The following MBNL1 variants were observed in gnomAD, a reference collection of about 807,000 sequenced individuals.
MBNL1 encodes the protein muscleblind-like protein 1.
Under a neutral mutation model 42.2 loss-of-function variants are expected in MBNL1, and 8 were observed. That is an observed-to-expected ratio of 0.19 (90% CI 0.11 to 0.34). The LOEUF (loss-of-function observed/expected upper bound fraction) is 0.34, where lower values mean the gene tolerates loss of function less well. Ranked by LOEUF, MBNL1 falls within the 10% of genes least tolerant of loss-of-function variation. MBNL1 has a pLI of 1.00. For missense variants in MBNL1, 309 were observed against 495.3 expected, an observed-to-expected ratio of 0.62 and a Z score of 3.57; for synonymous variants, 169 against 173.9, an observed-to-expected ratio of 0.97 and a Z score of 0.22.
intron 4 of MBNL1, among the ~76,000 whole-genome samples, chr3:152,438,820 TCTC>T (rs1399232982): frequency 1.3e-5 from 2 of 152,234 alleles, no homozygotes; most frequent in Admixed American, 1.3e-4. Flanking sequence ...TAAAAATCTG[TCTC>T]CTCAGATAAG....
chr3:152,415,340 T>C (rs1441371250), intron 3 of MBNL1, among the ~76,000 whole-genome samples: 1 of 152,198 alleles, frequency 6.6e-6, no homozygotes, highest in Non-Finnish European at 1.5e-5. Flanking sequence ...GCATTTTTTT[T>C]CCTCTAAATT....
intron 2 of MBNL1, among the ~76,000 whole-genome samples, chr3:152,393,563 A>C (rs192541768): frequency 7.0e-4 from 107 of 152,282 alleles, no homozygotes; most frequent in Non-Finnish European, 1.3e-3. Context: ...ATATCGTTTG[A>C]CTATTAGTAT....
intron 2 of MBNL1, among the ~76,000 whole-genome samples, chr3:152,372,161 A>G (rs548645035): frequency 6.6e-6 from 1 of 152,134 alleles, no homozygotes; most frequent in Non-Finnish European, 1.5e-5. Flanking sequence ...CAGGTCATTG[A>G]TGATTTTCTC....
intron 2 of MBNL1, among the ~76,000 whole-genome samples, chr3:152,384,926 G>T (rs17370233): frequency 6.6e-6 from 1 of 151,992 alleles, no homozygotes; most frequent in Non-Finnish European, 1.5e-5. Flanking sequence ...CAATGGAAAT[G>T]TTCCCGTAAA....
intron 2 of MBNL1, among the ~76,000 whole-genome samples, chr3:152,323,437 AAAT>A (rs1164206438): frequency 6.6e-6 from 1 of 152,134 alleles, no homozygotes; most frequent in Admixed American, 6.6e-5. Flanking sequence ...ATAATTTAAA[AAAT>A]ATATATGTAC....
intron 2 of MBNL1, among the ~76,000 whole-genome samples, chr3:152,361,453 G>A (rs2095944174): frequency 6.6e-6 from 1 of 150,530 alleles, no homozygotes; most frequent in Non-Finnish European, 1.5e-5. Context: ...CGAGATTGAG[G>A]CACCATTATA....
chr3:152,295,970 G>A (rs577889693), intron 1 of MBNL1, among the ~76,000 whole-genome samples: 27 of 152,308 alleles, frequency 1.8e-4, no homozygotes, highest in African/African-American at 6.5e-4. Context: ...TCATGTTACA[G>A]GTCAAGTAAA....
intron 2 of MBNL1, among the ~76,000 whole-genome samples, chr3:152,378,076 C>A (rs1375430135): frequency 2.0e-5 from 3 of 152,282 alleles, no homozygotes; most frequent in East Asian, 1.9e-4. Context: ...ATGGCTCATT[C>A]CTGTAATCCC....
At chr3:152,429,121 A>T (rs771053237) in intron 3 of MBNL1, among the ~76,000 whole-genome samples, 2 of 152,218 alleles carry the variant, frequency 1.3e-5, no homozygotes, top group Non-Finnish European at 2.9e-5. Flanking sequence ...TTACCAAGGG[A>T]ATTTATACTC....
At chr3:152,458,624 GTTC>G (rs1738611531) in intron 8 of MBNL1, 1 of 164,684 alleles carries the variant, frequency 6.1e-6, no homozygotes. Flanking sequence ...CAAATCCGAA[GTTC>G]TTAACTTTGG....
At chr3:152,446,880 A>T in intron 5 of MBNL1, 1 of 758,790 alleles carries the variant, frequency 1.3e-6, no homozygotes. Flanking sequence ...GTACAATGAA[A>T]AAACTGAGTG....
At chr3:152,414,261 T>G (rs2098656908) in intron 2 of MBNL1, among the ~76,000 whole-genome samples, 1 of 152,248 alleles carries the variant, frequency 6.6e-6, no homozygotes, top group Non-Finnish European at 1.5e-5. Flanking sequence ...CATTTCTTAT[T>G]GTTTCATAGA....
intron 4 of MBNL1, among the ~76,000 whole-genome samples, chr3:152,440,338 A>G (rs1017455004): frequency 6.6e-6 from 1 of 152,216 alleles, no homozygotes; most frequent in Non-Finnish European, 1.5e-5. Context: ...GCAATTTACG[A>G]AAAGAAAGAG....
intron 2 of MBNL1, among the ~76,000 whole-genome samples, chr3:152,334,604 G>T (rs1347321517): frequency 6.6e-6 from 1 of 152,162 alleles, no homozygotes; most frequent in Non-Finnish European, 1.5e-5. Context: ...AGAATTTTCA[G>T]TAAAATTGTT....
At chr3:152,250,830 G>C (rs1172526313) in intron 2 of MBNL1, among the ~76,000 whole-genome samples, 1 of 152,116 alleles carries the variant, frequency 6.6e-6, no homozygotes, top group South Asian at 2.1e-4. Context: ...TTGGCATGAA[G>C]GGTTGTTGAA....
chr3:152,352,017 A>G (rs1020216922), intron 2 of MBNL1, among the ~76,000 whole-genome samples: 4 of 152,178 alleles, frequency 2.6e-5, no homozygotes, highest in African/African-American at 9.7e-5. Flanking sequence ...ACAGTTAGAC[A>G]TAGAAACATT....
At chr3:152,418,907 G>C (rs931924791) in intron 3 of MBNL1, among the ~76,000 whole-genome samples, 1 of 151,748 alleles carries the variant, frequency 6.6e-6, no homozygotes, top group Non-Finnish European at 1.5e-5. Flanking sequence ...TTGTAGAGGC[G>C]GGGTTTCACT....
intron 2 of MBNL1, among the ~76,000 whole-genome samples, chr3:152,252,167 C>CCTTG (rs1246513529): frequency 4.1e-5 from 6 of 146,472 alleles, no homozygotes; most frequent in Non-Finnish European, 7.6e-5. Flanking sequence ...TTCCTTCCTT[C>CCTTG]CTTCCTTCCT....
At chr3:152,326,975 T>C (rs1453987129) in intron 2 of MBNL1, among the ~76,000 whole-genome samples, 1 of 151,158 alleles carries the variant, frequency 6.6e-6, no homozygotes, top group Non-Finnish European at 1.5e-5. Flanking sequence ...GCTAATTTTT[T>C]TGTGTGTATT....
Sources: allele counts gnomAD v4.1 joint callset (sites outside exome capture counted in the v4.1 genomes callset), GRCh38; gene constraint gnomAD v4.1.1; transcripts MANE v1.5; gene names NCBI Gene and HGNC (gene_info 2026-07-23, HGNC 2026-07-21).